ABCA1: variants seen among roughly 807,000 people sequenced by gnomAD.
ABCA1 encodes phospholipid-transporting ATPase ABCA1.
In ABCA1, 133 loss-of-function variants were observed where a neutral mutation model predicts 262.5. The observed-to-expected ratio is 0.51, with a 90% CI of 0.44 to 0.59. ABCA1 has a LOEUF of 0.59. Ranked by LOEUF, ABCA1 falls within the 20% of genes least tolerant of loss-of-function variation. ABCA1 has a pLI of 0.00. For synonymous variants in ABCA1, 1,022 were observed against 1,043.5 expected, an observed-to-expected ratio of 0.98 and a Z score of 0.40; for missense variants, 2,452 against 2,777.5, an observed-to-expected ratio of 0.88 and a Z score of 2.63.
chr9:104,919,985 G>A (rs1431513164), intron 1 of ABCA1, among the ~76,000 whole-genome samples: 1 of 152,158 alleles, frequency 6.6e-6, no homozygotes, highest in Non-Finnish European at 1.5e-5. Context: ...TGCCCAGCAT[G>A]TTCCTCAGAT....
intron 2 of ABCA1, among the ~76,000 whole-genome samples, chr9:104,893,366 G>A (rs1839924665): frequency 7.7e-6 from 1 of 130,458 alleles, no homozygotes; most frequent in South Asian, 2.6e-4. Flanking sequence ...AGGTTGGGGT[G>A]AGCCAAGATC....
rs2020929 is a variant in ABCA1 at position 104,787,024 on chromosome 9, C to A, written c.6205-48G>T. ...CTTATTTGCTGGGGGGAAAAAAAAT[C>A]AAAGATAAATTTGTTTTTAAATGCA... On this transcript the variant is annotated intron_variant, in intron 46 of 49. Coordinates refer to ENST00000374736, the MANE Select transcript of ABCA1 (RefSeq NM_005502.4). 691 of 1,540,230 alleles carry A rather than the reference C, an allele frequency of 4.5e-4. 3 individuals are homozygous for A. The East Asian group carries it at 0.015, about 33-fold the overall frequency.
At chr9:104,871,254 T>G (rs1293964469) in intron 5 of ABCA1, among the ~76,000 whole-genome samples, 1 of 152,168 alleles carries the variant, frequency 6.6e-6, no homozygotes, top group Non-Finnish European at 1.5e-5. Flanking sequence ...AACACCTTGA[T>G]TTTGGATTTC....
intron 30 of ABCA1, among the ~76,000 whole-genome samples, chr9:104,807,768 G>C (rs1419363865): frequency 2.0e-5 from 3 of 150,882 alleles, no homozygotes; most frequent in Non-Finnish European, 2.9e-5. Context: ...AGCCAAGATT[G>C]AGCCACTGCA....
chr9:104,882,066 T>C (rs942186053), intron 5 of ABCA1, among the ~76,000 whole-genome samples: 1 of 105,950 alleles, frequency 9.4e-6, no homozygotes, highest in Non-Finnish European at 2.0e-5. Flanking sequence ...AACTCAAATC[T>C]GAGTCTGGTT....
chr9:104,922,748 G>A (rs1307023566), intron 1 of ABCA1, among the ~76,000 whole-genome samples: 5 of 151,974 alleles, frequency 3.3e-5, no homozygotes, highest in Non-Finnish European at 7.4e-5. Context: ...GTCTCACTCT[G>A]TCGCCCAGGT....
chr9:104,822,745 T>A (rs945882394), intron 18 of ABCA1, 78 bp from the exon 19 acceptor site: 13 of 1,550,760 alleles, frequency 8.4e-6, no homozygotes, highest in African/African-American at 8.1e-5. Context: ...GGCACTGCGC[T>A]TGAACTTTCA....
At chr9:104,804,507 A>G (rs1301758644) in intron 32 of ABCA1, 119 bp downstream of exon 32, 6 of 848,198 alleles carry the variant, frequency 7.1e-6, no homozygotes, top group Non-Finnish European at 1.0e-5. Flanking sequence ...TAAACTTCCA[A>G]TAGACAGAAT....
At chr9:104,862,696 G>GC (rs1350432839) in intron 5 of ABCA1, among the ~76,000 whole-genome samples, 1 of 1,124 alleles carries the variant, frequency 8.9e-4, no homozygotes. Context: ...GGCCGGGCCG[G>GC]GCCGGCCCCC....
At chr9:104,872,925 C>T (rs1837758206) in intron 5 of ABCA1, among the ~76,000 whole-genome samples, 3 of 152,366 alleles carry the variant, frequency 2.0e-5, no homozygotes, top group South Asian at 4.1e-4. Flanking sequence ...CTATTCTTGT[C>T]TGAGTAAAGC....
intron 6 of ABCA1, among the ~76,000 whole-genome samples, chr9:104,860,564 G>C (rs1244035723): frequency 1.3e-5 from 2 of 152,008 alleles, no homozygotes; most frequent in Admixed American, 1.3e-4. Context: ...GATAGGGGAG[G>C]AAGCAGTTCC....
intron 8 of ABCA1, among the ~76,000 whole-genome samples, chr9:104,844,738 G>A (rs375387804): frequency 2.4e-4 from 36 of 152,284 alleles, no homozygotes; most frequent in African/African-American, 8.4e-4. Context: ...GTTAAAGTCT[G>A]TATTGTTTGT....
chr9:104,851,568 T>A (rs73521828), intron 7 of ABCA1, among the ~76,000 whole-genome samples: 5,665 of 152,306 alleles, frequency 0.037, 337 homozygotes, highest in African/African-American at 0.13. Context: ...CTGGCTGACA[T>A]CCATTCTTTA....
At chr9:104,828,388 T>C (rs964825905) in intron 15 of ABCA1, among the ~76,000 whole-genome samples, 24 of 152,068 alleles carry the variant, frequency 1.6e-4, no homozygotes, top group African/African-American at 5.6e-4. Flanking sequence ...CCCCACGGGG[T>C]TGGCCCTATA....
At chr9:104,827,545 T>C (rs1832909340) in intron 15 of ABCA1, among the ~76,000 whole-genome samples, 1 of 152,236 alleles carries the variant, frequency 6.6e-6, no homozygotes, top group Non-Finnish European at 1.5e-5. Flanking sequence ...GTAACTTTTC[T>C]GTCTAAAAGC....
At chr9:104,791,798 T>C in intron 43 of ABCA1, 138 bp downstream of exon 43, 1 of 778,376 alleles carries the variant, frequency 1.3e-6, no homozygotes, top group Non-Finnish European at 2.2e-6. Context: ...CTCTTCTCGA[T>C]GACTAATTGC....
chr9:104,923,198 T>TTCACCAAAGTTAGGTTTTACAAC (rs1247254700), intron 1 of ABCA1, among the ~76,000 whole-genome samples: 1 of 152,242 alleles, frequency 6.6e-6, no homozygotes, highest in Non-Finnish European at 1.5e-5. Context: ...ATTTTTACAA[T>TTCACCAAAGTTAGGTTTTACAAC]TCACCAAAGT....
chr9:104,819,828 C>T, intron 21 of ABCA1, 99 bp downstream of exon 21: 1 of 1,609,800 alleles, frequency 6.2e-7, no homozygotes, highest in South Asian at 1.1e-5. Context: ...TTACCAACCG[C>T]ACCCAGCCTG....
At chr9:104,886,588 G>A (rs1839196469) in intron 3 of ABCA1, among the ~76,000 whole-genome samples, 1 of 152,158 alleles carries the variant, frequency 6.6e-6, no homozygotes, top group African/African-American at 2.4e-5. Flanking sequence ...CCCTTTCAAT[G>A]CCAGGAGACA....
Sources: gnomAD v4.1 joint callset for allele counts (sites outside exome capture counted in the v4.1 genomes callset) on GRCh38, gnomAD v4.1.1 for gene constraint, MANE v1.5 for transcripts, NCBI Gene and HGNC (gene_info 2026-07-23, HGNC 2026-07-21) for gene names.